Variants in LRRC7 observed in about 807,000 individuals in gnomAD.
The protein encoded by LRRC7 is leucine rich repeat containing 7.
Under a neutral mutation model 175.7 loss-of-function variants are expected in LRRC7, and 23 were observed. That is an observed-to-expected ratio of 0.13 (90% CI 0.09 to 0.19). The LOEUF is 0.19. Among genes scored for constraint, LRRC7 ranks in the 10% least tolerant of loss-of-function variants. The probability of loss-of-function intolerance (pLI) is 1.00; values close to 1 mark genes in which losing one functional copy is unlikely to be tolerated. For missense variants in LRRC7, 1,354 were observed against 1,904.7 expected (o/e 0.71, Z 5.38); for synonymous variants, 685 against 680.9 (o/e 1.01, Z -0.09).
Position 70,142,655 on chromosome 1 carries a change from A to G in LRRC7, c.*20768A>G, listed in dbSNP as rs975067639. ...ACCACAAAAGACCTTGAAAAAAGTG[A>G]AACTACTGCAAGATTACTGTTGCTT... On this transcript the variant is annotated 3_prime_UTR_variant, in exon 27 of 27. Transcript: ENST00000651989. The G allele has an allele frequency of 6.6e-6, 1 of 152,134 alleles. No homozygotes were observed. Among genetic ancestry groups the G allele is most frequent in the African/African-American group, 2.4e-5 (1 of 41,452 alleles). The allele number at this position is 152,134 out of a possible 1,614,324, so 9.4% of individuals were successfully genotyped here.
chr1:69,663,737 C>G (rs1297936961), intron 1 of LRRC7, among the ~76,000 whole-genome samples: 1 of 83,638 alleles, frequency 1.2e-5, no homozygotes, highest in Non-Finnish European at 2.1e-5. Context: ...TTTTTTGAGA[C>G]GGAGTCTCGC....
intron 7 of LRRC7, among the ~76,000 whole-genome samples, chr1:69,886,968 G>C (rs1330903543): frequency 6.6e-6 from 1 of 151,888 alleles, no homozygotes; most frequent in East Asian, 1.9e-4. Flanking sequence ...TGGCTTGTAG[G>C]GTTTCTGCCG....
At chr1:69,799,149 A>C (rs1359710704) in intron 4 of LRRC7, among the ~76,000 whole-genome samples, 2 of 149,112 alleles carry the variant, frequency 1.3e-5, no homozygotes, top group Admixed American at 6.7e-5. Flanking sequence ...TTGTCTCCCA[A>C]TTTGTGGCTT....
chr1:69,831,794 G>T (rs1680554228), intron 5 of LRRC7, among the ~76,000 whole-genome samples: 1 of 152,014 alleles, frequency 6.6e-6, no homozygotes, highest in Admixed American at 6.6e-5. Context: ...TATACAGTAA[G>T]TCTTCACTTA....
Position 70,038,318 on chromosome 1 carries a change from C to G in LRRC7, c.2494C>G (p.Leu832Val), listed in dbSNP as rs2102024523. 1 of 1,614,122 alleles carries G rather than the reference C, an allele frequency of 6.2e-7. No homozygotes were observed. The change falls in exon 21 of 27, where the codon CTC becomes GTC. Residue 832 changes from leucine to valine, a missense_variant. Leu to Val is a conservative substitution (Grantham distance 32). Transcript: ENST00000651989. ...AGCCGAGAATGCCAACAGTAATCCT[C>G]TCTTAAGTTCGAAATCTAGAAGCAC... ...TTAENANSNPLLSSKSRSTSS... is the reference protein window; with the variant it reads ...TTAENANSNPVLSSKSRSTSS...
intron 7 of LRRC7, among the ~76,000 whole-genome samples, chr1:69,929,604 A>G (rs1268931191): frequency 6.6e-6 from 1 of 152,178 alleles, no homozygotes; most frequent in Non-Finnish European, 1.5e-5. Flanking sequence ...TTTTTATAAT[A>G]AGAAAGAAGT....
intron 25 of LRRC7, among the ~76,000 whole-genome samples, chr1:70,100,476 T>C (rs1664731021): frequency 6.6e-6 from 1 of 152,146 alleles, no homozygotes; most frequent in South Asian, 2.1e-4. Flanking sequence ...AGATTTGTGA[T>C]CCCATAGTCC....
intron 25 of LRRC7, among the ~76,000 whole-genome samples, chr1:70,094,311 C>A (rs905786924): frequency 1.9e-4 from 29 of 152,070 alleles, no homozygotes; most frequent in Admixed American, 1.5e-3. Context: ...TCAACAGATG[C>A]CAGAGAGCTC....
intron 8 of LRRC7, among the ~76,000 whole-genome samples, chr1:69,969,933 C>T (rs1652058569): frequency 6.6e-6 from 1 of 152,166 alleles, no homozygotes; most frequent in Admixed American, 6.5e-5. Flanking sequence ...CAAGCAGTCT[C>T]TCAGACCACA....
intron 11 of LRRC7, among the ~76,000 whole-genome samples, chr1:70,009,310 A>G (rs1228383729): frequency 6.6e-6 from 1 of 151,032 alleles, no homozygotes; most frequent in Non-Finnish European, 1.5e-5. Context: ...TGCATTATAT[A>G]TGTAAGACCC....
At chr1:70,010,017 T>C (rs1656356837) in intron 11 of LRRC7, among the ~76,000 whole-genome samples, 2 of 152,190 alleles carry the variant, frequency 1.3e-5, no homozygotes, top group African/African-American at 2.4e-5. Context: ...TCACTGATTT[T>C]TCCCCTCAGA....
At chr1:69,985,568 A>G (rs569514525) in intron 9 of LRRC7, among the ~76,000 whole-genome samples, 94 of 152,204 alleles carry the variant, frequency 6.2e-4, no homozygotes, top group Non-Finnish European at 1.1e-3. Flanking sequence ...AACCATCACC[A>G]CAATCTAATT....
chr1:69,968,769 C>T (rs867325584), intron 8 of LRRC7, among the ~76,000 whole-genome samples: 9 of 152,024 alleles, frequency 5.9e-5, no homozygotes, highest in African/African-American at 9.7e-5. Flanking sequence ...ATAAAACAAC[C>T]GCTGAAAGGA....
chr1:69,680,648 G>A (rs995281171), intron 2 of LRRC7, among the ~76,000 whole-genome samples: 4 of 147,758 alleles, frequency 2.7e-5, no homozygotes, highest in African/African-American at 1.0e-4. Flanking sequence ...TGACAGACTA[G>A]TGTGAATTCC....
In LRRC7 at chr1:70,127,959, TTTTC is replaced by T. The variant is rs1369270188; in HGVS notation, c.*6080_*6083del. ...AAAAAGACTTTTATGTGACTTTTTC[TTTTC>T]TTTCTTTTTTTTTCTTGAGACAGAG... On this transcript the variant is annotated 3_prime_UTR_variant, in exon 27 of 27. Transcript: ENST00000651989. Among the ~76,000 whole-genome samples, 2 of 152,154 alleles carry T rather than the reference TTTTC, an allele frequency of 1.3e-5. No individual in the cohort carries two copies. The highest frequency in any genetic ancestry group is 6.5e-5 in the Admixed American group (1 of 15,286).
chr1:69,734,435 A>G (rs1667898868), intron 2 of LRRC7, among the ~76,000 whole-genome samples: 1 of 151,952 alleles, frequency 6.6e-6, no homozygotes, highest in Non-Finnish European at 1.5e-5. Context: ...GTTTTACATG[A>G]CCATTATTTC....
chr1:69,967,101 G>A (rs1359885057), intron 8 of LRRC7, among the ~76,000 whole-genome samples: 1 of 152,172 alleles, frequency 6.6e-6, no homozygotes, highest in Non-Finnish European at 1.5e-5. Context: ...ACTCTGTGCT[G>A]TTGGAAGGGG....
intron 8 of LRRC7, among the ~76,000 whole-genome samples, chr1:69,949,826 A>T (rs936511346): frequency 7.2e-5 from 11 of 152,156 alleles, no homozygotes; most frequent in African/African-American, 2.4e-4. Context: ...TAATTTATAT[A>T]AACTTTTGGT....
chr1:70,078,890 A>T (rs1015484156), intron 24 of LRRC7, among the ~76,000 whole-genome samples: 3 of 152,054 alleles, frequency 2.0e-5, no homozygotes, highest in African/African-American at 7.2e-5. Flanking sequence ...TAGAAACAGA[A>T]AACAGTAGAA....
Sources: allele counts gnomAD v4.1 joint callset (sites outside exome capture counted in the v4.1 genomes callset), GRCh38; gene constraint gnomAD v4.1.1; transcripts MANE v1.5; gene names NCBI Gene and HGNC (gene_info 2026-07-23, HGNC 2026-07-21).